Variants in RPS20 observed in about 807,000 individuals in gnomAD.
RPS20 encodes the protein ribosomal protein S20.
In RPS20, 3 loss-of-function variants were observed where a neutral mutation model predicts 15.3. That is an observed-to-expected ratio of 0.20 (90% CI 0.09 to 0.51). The LOEUF (loss-of-function observed/expected upper bound fraction) is 0.51. Among genes scored for constraint, RPS20 ranks in the 20% least tolerant of loss-of-function variants. The probability of loss-of-function intolerance (pLI) is 0.96; values close to 1 mark genes in which losing one functional copy is unlikely to be tolerated. For missense variants in RPS20, 67 were observed against 145.9 expected (o/e 0.46, Z 2.79); for synonymous variants, 62 against 47.8 (o/e 1.30, Z -1.23).
At position 56,074,138 on chromosome 8, in the gene RPS20, T is replaced by C. The variant is rs202038859; in HGVS notation, c.25A>G (p.Thr9Ala). Residue 9 changes from threonine (T) to alanine (A), a missense_variant, in exon 2 of 4, where the codon ACA becomes GCA. By Grantham distance (58) the Thr-to-Ala change is moderately conservative. Transcript: ENST00000009589. MAFKDTGK[T>A]PVEPEVAIHR... ...ATTGCCACCTCCGGCTCCACGGGTGTTTTTCCGGTATCCTTAAAAGCCTAT... is the reference window on the plus strand; with the variant it reads ...ATTGCCACCTCCGGCTCCACGGGTGCTTTTCCGGTATCCTTAAAAGCCTAT... 6.2e-7 allele frequency: 1 copy of C among 1,612,794 alleles called. No individual in the cohort carries two copies. Among genetic ancestry groups the C allele is most frequent in the East Asian group, 2.2e-5 (1 of 44,872 alleles).
downstream of RPS20, among the ~76,000 whole-genome samples, chr8:56,071,081 T>C (rs1809740770): frequency 6.6e-6 from 1 of 152,254 alleles, no homozygotes; most frequent in South Asian, 2.1e-4. Context: ...ATTTTAGCTG[T>C]AATACAGGTT....
chr8:56,074,485 C>G lies in RPS20; in HGVS notation c.-102G>C, dbSNP rs972921689. ...GCGGACCAAAAATCCTCAGCCCTTACGACCGCGTCTTCCTCAAAAAGAAAG... is the reference window on the plus strand; with the variant it reads ...GCGGACCAAAAATCCTCAGCCCTTAGGACCGCGTCTTCCTCAAAAAGAAAG... On this transcript the variant is annotated 5_prime_UTR_variant, in exon 1 of 4. Transcript: ENST00000009589. The G allele has an allele frequency of 7.8e-5, 102 of 1,303,718 alleles. No individual in the cohort carries two copies. Among genetic ancestry groups the G allele is most frequent in the African/African-American group, 3.0e-5 (2 of 67,406 alleles). 80.8% of individuals were successfully genotyped at this position (1,303,718 alleles called of 1,614,324 possible).
At chr8:56,074,205 G>A (rs368690762) in intron 1 of RPS20, 46 bp from the exon 2 acceptor site, 4 of 1,560,314 alleles carry the variant, frequency 2.6e-6, no homozygotes, top group East Asian at 2.2e-5. Context: ...AAAATGGTCT[G>A]CCACTTCTGG....
At chr8:56,070,291 G>T (rs1263505737), downstream of RPS20, among the ~76,000 whole-genome samples, 2 of 152,156 alleles carry the variant, frequency 1.3e-5, no homozygotes, top group Non-Finnish European at 2.9e-5. Flanking sequence ...GAGGCTCAAA[G>T]TCAAGTAACT....
At chr8:56,067,370 A>G (rs1327866174) in exon 6 of RPS20, 1 of 152,158 alleles carries the variant, frequency 6.6e-6, no homozygotes, top group East Asian at 1.9e-4. Context: ...ATACATTGAG[A>G]TATTATTCAG....
Position 56,073,920 on chromosome 8 carries a change from C to G in RPS20, c.103+140G>C, listed in dbSNP as rs546019829. 20 of 1,090,648 alleles carry G rather than the reference C, an allele frequency of 1.8e-5. 1 individual carries two copies. In the South Asian group the frequency reaches 2.5e-4, roughly 14 times the overall value. The allele number at this position is 1,090,648 out of a possible 1,614,324, so 67.6% of individuals were successfully genotyped here. ...ATCGCCAGCTGTATGACAGTAAAAG[C>G]AATTTTAAGCCACGCTTTACTTTTT... On this transcript the variant is annotated intron_variant, in intron 2 of 3. Transcript: ENST00000009589.
Position 56,074,479 on chromosome 8 carries a change from C to T in RPS20, c.-96G>A, listed in dbSNP as rs1207821774. The T allele has an allele frequency of 2.3e-5, 31 of 1,351,448 alleles. No individual in the cohort carries two copies. The highest frequency in any genetic ancestry group is 2.7e-5 in the Non-Finnish European group (27 of 991,418). 83.7% of individuals were successfully genotyped at this position (1,351,448 alleles called of 1,614,324 possible). ...GAGCGTGCGGACCAAAAATCCTCAG[C>T]CCTTACGACCGCGTCTTCCTCAAAA... On this transcript the variant is annotated 5_prime_UTR_variant, in exon 1 of 4. Coordinates refer to ENST00000009589, the MANE Select transcript of RPS20 (RefSeq NM_001023.4).
At position 56,073,780 on chromosome 8, in the gene RPS20, A is replaced by T; in HGVS notation, c.104-12T>A. ...CAAGTCAGCACACACTACAGGAAAT[A>T]AAAGACCTCTCAGTATAATCGAAAC... is the stretch of plus-strand genomic sequence containing the variant. On this transcript the variant is annotated splice_polypyrimidine_tract_variant and intron_variant, in intron 2 of 3. Transcript: ENST00000009589. 1 of 1,612,474 alleles carries T rather than the reference A, an allele frequency of 6.2e-7. No individual in the cohort carries two copies. The highest frequency in any genetic ancestry group is 8.5e-7 in the Non-Finnish European group (1 of 1,178,490).
chr8:56,068,315 A>G (rs1468539701), downstream of RPS20: 2 of 152,178 alleles, frequency 1.3e-5, no homozygotes, highest in Admixed American at 6.5e-5. Context: ...AGGTGTGTGT[A>G]TCACCTGAGC....
At position 56,074,476 on chromosome 8, in the gene RPS20, C is replaced by T. The variant is rs1809877557; in HGVS notation, c.-93G>A. 3.6e-6 allele frequency: 5 copies of T among 1,407,880 alleles called. No homozygotes were observed. In the East Asian group the frequency reaches 1.0e-4, roughly 28 times the overall value. The allele number at this position is 1,407,880 out of a possible 1,614,324, so 87.2% of individuals were successfully genotyped here. A position where few individuals can be genotyped will look rare whatever the true frequency, so the allele number is the denominator to read the frequency against. The stretch of plus-strand genomic sequence containing the variant: ...CAGGAGCGTGCGGACCAAAAATCCT[C>T]AGCCCTTACGACCGCGTCTTCCTCA... On this transcript the variant is annotated 5_prime_UTR_variant, in exon 1 of 4. Transcript: ENST00000009589.
At chr8:56,069,044 G>A (rs1163724688), downstream of RPS20, among the ~76,000 whole-genome samples, 5 of 148,732 alleles carry the variant, frequency 3.4e-5, no homozygotes, top group Non-Finnish European at 3.0e-5. Flanking sequence ...ATGATCCATG[G>A]GGTGAGTTCT....
downstream of RPS20, among the ~76,000 whole-genome samples, chr8:56,070,484 C>G (rs566878278): frequency 1.7e-3 from 266 of 152,238 alleles, no homozygotes; most frequent in Non-Finnish European, 3.2e-3. Context: ...GCCTATAACC[C>G]TAGCACTATG....
downstream of RPS20, chr8:56,068,243 A>G (rs968764559): frequency 6.6e-6 from 1 of 152,232 alleles, no homozygotes; most frequent in African/African-American, 2.4e-5. Context: ...AATAATCAAT[A>G]CAAGTGCTGG....
rs1274608875 is a variant in RPS20 at position 56,074,475 on chromosome 8, T to C, written c.-92A>G. 2.0e-5 allele frequency: 29 copies of C among 1,423,278 alleles called. No homozygotes were observed. The highest frequency in any genetic ancestry group is 6.2e-5 in the South Asian group (5 of 80,726). The allele number at this position is 1,423,278 out of a possible 1,614,324, so 88.2% of individuals were successfully genotyped here. On this transcript the variant is annotated 5_prime_UTR_variant, in exon 1 of 4. Coordinates refer to ENST00000009589, the MANE Select transcript of RPS20 (RefSeq NM_001023.4). The stretch of plus-strand genomic sequence containing the variant: ...GCAGGAGCGTGCGGACCAAAAATCC[T>C]CAGCCCTTACGACCGCGTCTTCCTC...
chr8:56,071,009 T>C (rs904156853), downstream of RPS20, among the ~76,000 whole-genome samples: 1 of 152,234 alleles, frequency 6.6e-6, no homozygotes, highest in African/African-American at 2.4e-5. Context: ...TTTATTTCCA[T>C]GCAGGTATTT....
At chr8:56,070,149 G>GT (rs139318981), downstream of RPS20, among the ~76,000 whole-genome samples, 23,627 of 152,160 alleles carry the variant, frequency 0.16, 2,438 homozygotes, top group Middle Eastern at 0.27. Context: ...AGCACATCCT[G>GT]TATCAGTGAG....
chr8:56,071,394 G>A (rs1421841948), downstream of RPS20, among the ~76,000 whole-genome samples: 2 of 152,182 alleles, frequency 1.3e-5, no homozygotes, highest in Non-Finnish European at 2.9e-5. Flanking sequence ...CTTATTAACT[G>A]ATAGCTAAAC....
downstream of RPS20, among the ~76,000 whole-genome samples, chr8:56,068,954 A>ACG (rs1180979568): frequency 1.3e-5 from 2 of 150,094 alleles, no homozygotes; most frequent in Admixed American, 6.7e-5. Context: ...ACGCACTGCC[A>ACG]CGCCCAGCTA....
chr8:56,069,001 T>G (rs1323143785), downstream of RPS20, among the ~76,000 whole-genome samples: 1 of 151,636 alleles, frequency 6.6e-6, no homozygotes, highest in Non-Finnish European at 1.5e-5. Context: ...TTTCACCATG[T>G]TGGTCAGGCT....
Sources: gnomAD v4.1 joint callset for allele counts (sites outside exome capture counted in the v4.1 genomes callset) on GRCh38, gnomAD v4.1.1 for gene constraint, MANE v1.5 for transcripts, NCBI Gene and HGNC (gene_info 2026-07-23, HGNC 2026-07-21) for gene names.